EPHB1: variants seen among roughly 807,000 people sequenced by gnomAD.
The protein encoded by EPHB1 is EPH receptor B1, also known as ephrin type-B receptor 1.
Under a neutral mutation model 94.4 loss-of-function variants are expected in EPHB1, and 30 were observed. That is an observed-to-expected ratio of 0.32 (90% CI 0.24 to 0.43). The LOEUF (loss-of-function observed/expected upper bound fraction) is 0.43, where lower values mean the gene tolerates loss of function less well. Among genes scored for constraint, EPHB1 ranks in the 20% least tolerant of loss-of-function variants. The pLI is 1.00. For synonymous variants in EPHB1, 522 were observed against 489.1 expected, an observed-to-expected ratio of 1.07 and a Z score of -0.89; for missense variants, 1,055 against 1,308.3, an observed-to-expected ratio of 0.81 and a Z score of 2.99.
chr3:134,799,050 C>A (rs1475292043), intron 1 of EPHB1, among the ~76,000 whole-genome samples: 1 of 152,212 alleles, frequency 6.6e-6, no homozygotes, highest in African/African-American at 2.4e-5. Flanking sequence ...GTAGATTTCT[C>A]AAGGGTTGAC....
chr3:135,045,025 T>A (rs1203235086), intron 3 of EPHB1, among the ~76,000 whole-genome samples: 7 of 152,208 alleles, frequency 4.6e-5, no homozygotes, highest in Non-Finnish European at 8.8e-5. Context: ...TGCTGTAGCA[T>A]AGTGGTGGTC....
intron 1 of EPHB1, among the ~76,000 whole-genome samples, chr3:134,858,838 G>T (rs2037182107): frequency 6.6e-6 from 1 of 152,224 alleles, no homozygotes; most frequent in Non-Finnish European, 1.5e-5. Context: ...TGGGTCCCCA[G>T]AGCCCAGCCT....
intron 13 of EPHB1, among the ~76,000 whole-genome samples, chr3:135,247,629 C>T (rs1352489090): frequency 6.6e-6 from 1 of 152,160 alleles, no homozygotes; most frequent in African/African-American, 2.4e-5. Context: ...TACTCTCTGG[C>T]GTTTGTGAAA....
chr3:135,055,554 C>T (rs1937324541), intron 3 of EPHB1, among the ~76,000 whole-genome samples: 1 of 152,226 alleles, frequency 6.6e-6, no homozygotes, highest in Non-Finnish European at 1.5e-5. Context: ...TGAACCTGGG[C>T]AGTCTGCTCC....
chr3:135,127,362 C>A (rs1407005851), intron 4 of EPHB1, among the ~76,000 whole-genome samples: 1 of 152,154 alleles, frequency 6.6e-6, no homozygotes, highest in Admixed American at 6.5e-5. Flanking sequence ...ATGATCCCAG[C>A]CTGAATGTGG....
At chr3:135,100,930 G>A (rs561554066) in intron 3 of EPHB1, among the ~76,000 whole-genome samples, 4 of 152,160 alleles carry the variant, frequency 2.6e-5, no homozygotes, top group Non-Finnish European at 4.4e-5. Flanking sequence ...GAAGTTGGGG[G>A]TGGGGAAAGA....
intron 13 of EPHB1, 122 bp from the exon 14 acceptor site, chr3:135,248,194 G>A: frequency 1.1e-6 from 1 of 904,384 alleles, no homozygotes; most frequent in Non-Finnish European, 1.6e-6. Context: ...AGGTGTGCAA[G>A]CACAGAGCAA....
rs1023534513 is a variant in EPHB1, at chr3:135,102,117, C to T, written c.806-4331C>T. The stretch of plus-strand genomic sequence containing the variant: ...GGAACTCCTGAGTTTTGAAATGATA[C>T]GAAAGCAGAGAACTCTGTTATTTAC... On this transcript the variant is annotated intron_variant, in intron 3 of 15. Coordinates refer to ENST00000398015, the MANE Select transcript of EPHB1 (RefSeq NM_004441.5). Among the ~76,000 whole-genome samples, 6 of 152,314 alleles carry T rather than the reference C, an allele frequency of 3.9e-5. No individual in the cohort carries two copies. In the East Asian group the frequency reaches 5.8e-4, roughly 15 times the overall value.
At chr3:134,961,695 G>A (rs1225150793) in intron 3 of EPHB1, among the ~76,000 whole-genome samples, 2 of 152,176 alleles carry the variant, frequency 1.3e-5, no homozygotes, top group East Asian at 3.8e-4. Context: ...AGTTAACACT[G>A]AAGTTTAACA....
At chr3:135,169,062 C>T (rs758472333) in intron 9 of EPHB1, among the ~76,000 whole-genome samples, 25 of 152,112 alleles carry the variant, frequency 1.6e-4, no homozygotes, top group Non-Finnish European at 2.1e-4. Flanking sequence ...CTCCTGCTCT[C>T]GAGGAGTAGC....
chr3:135,147,515 T>C (rs186666873), intron 5 of EPHB1, among the ~76,000 whole-genome samples: 1 of 152,030 alleles, frequency 6.6e-6, no homozygotes, highest in Non-Finnish European at 1.5e-5. Flanking sequence ...CCTATGAGGG[T>C]AAAAGTGGTT....
chr3:134,952,356 C>CTT (rs1483520599), intron 3 of EPHB1, among the ~76,000 whole-genome samples: 35 of 112,520 alleles, frequency 3.1e-4, no homozygotes, highest in African/African-American at 1.6e-3. Flanking sequence ...TCTCTCTTCT[C>CTT]TCTCTCTCTC....
At chr3:134,904,645 C>T (rs539998218) in intron 1 of EPHB1, among the ~76,000 whole-genome samples, 3 of 152,270 alleles carry the variant, frequency 2.0e-5, no homozygotes, top group South Asian at 4.1e-4. Flanking sequence ...GGGGCTATGG[C>T]TGAGAGATTT....
intron 11 of EPHB1, among the ~76,000 whole-genome samples, chr3:135,195,113 G>A (rs1942562559): frequency 6.6e-6 from 1 of 152,086 alleles, no homozygotes; most frequent in Admixed American, 6.5e-5. Context: ...AATGTGAGAA[G>A]GAAAAGCATT....
chr3:134,852,664 GGT>G (rs143990053), intron 1 of EPHB1: 12,335 of 149,564 alleles, frequency 0.082, 535 homozygotes, highest in Middle Eastern at 0.1. Flanking sequence ...GTAAATGTGG[GGT>G]GTGTGTGTGT....
intron 1 of EPHB1, among the ~76,000 whole-genome samples, chr3:134,860,578 G>T (rs545628609): frequency 2.0e-5 from 3 of 152,220 alleles, no homozygotes; most frequent in Admixed American, 1.3e-4. Flanking sequence ...ACTTTGGGAG[G>T]CCGAGACGGG....
At chr3:135,055,276 C>T (rs1354918800) in intron 3 of EPHB1, among the ~76,000 whole-genome samples, 1 of 152,150 alleles carries the variant, frequency 6.6e-6, no homozygotes, top group South Asian at 2.1e-4. Flanking sequence ...AACATATTGT[C>T]CTTAAATCTC....
chr3:134,991,507 G>T (rs987371006), intron 3 of EPHB1, among the ~76,000 whole-genome samples: 2 of 152,132 alleles, frequency 1.3e-5, no homozygotes, highest in African/African-American at 4.8e-5. Flanking sequence ...GCCCTGAAAA[G>T]AAAAATATTT....
chr3:134,946,566 G>A (rs978478771), intron 2 of EPHB1, among the ~76,000 whole-genome samples: 1 of 152,054 alleles, frequency 6.6e-6, no homozygotes, highest in Non-Finnish European at 1.5e-5. Context: ...GATATTGTTT[G>A]GATGTTTGTC....
Sources: gnomAD v4.1 joint callset for allele counts (sites outside exome capture counted in the v4.1 genomes callset) on GRCh38, gnomAD v4.1.1 for gene constraint, MANE v1.5 for transcripts, NCBI Gene and HGNC (gene_info 2026-07-23, HGNC 2026-07-21) for gene names.